Variants in ANKRD44 observed in about 807,000 individuals in gnomAD.
ANKRD44 encodes the protein ankyrin repeat domain 44.
Under a neutral mutation model 116.0 loss-of-function variants are expected in ANKRD44, and 35 were observed. The observed-to-expected ratio is 0.30, with a 90% confidence interval of 0.23 to 0.40. The LOEUF (loss-of-function observed/expected upper bound fraction) is 0.40. Ranked by LOEUF, ANKRD44 falls within the 10% of genes least tolerant of loss-of-function variation. The pLI, the probability that ANKRD44 is intolerant of heterozygous loss-of-function variation, is 1.00. For synonymous variants in ANKRD44, 435 were observed against 461.8 expected, an observed-to-expected ratio of 0.94 and a Z score of 0.74; for missense variants, 1,014 against 1,242.6, an observed-to-expected ratio of 0.82 and a Z score of 2.77.
intron 1 of ANKRD44, among the ~76,000 whole-genome samples, chr2:197,290,623 C>T (rs1175206276): frequency 6.6e-6 from 1 of 152,038 alleles, no homozygotes; most frequent in Non-Finnish European, 1.5e-5. Flanking sequence ...AAATTCATTC[C>T]AAATAAGCAT....
chr2:197,280,531 A>G lies in ANKRD44; in HGVS notation c.27+30047T>C, dbSNP rs1005006710. On this transcript the variant is annotated intron_variant, in intron 1 of 27. Transcript: ENST00000282272. ...TTAACAGAGAAACACAGAGATCCCA[A>G]GCTGACTCCGTGGTCTAAGATCTGT... Among the ~76,000 whole-genome samples the G allele has an allele frequency of 2.0e-5, 3 of 152,218 alleles. No individual in the cohort carries two copies. In the South Asian group the frequency reaches 6.2e-4, roughly 31 times the overall value.
At chr2:197,099,748 C>G in intron 10 of ANKRD44, 68 bp downstream of exon 10, 1 of 1,593,048 alleles carries the variant, frequency 6.3e-7, no homozygotes, top group Non-Finnish European at 8.6e-7. Context: ...ATCTACTGCA[C>G]GGAAGAATCT....
rs113868254 is a variant in ANKRD44 at position 196,974,088 on chromosome 2, CT to C, written c.2369-6643del. ...AAATTAAACAACATACTCTCATACT[CT>C]TTTTTTTTTTTGAGACAGCCTCTTG... On this transcript the variant is annotated intron_variant, in intron 21 of 21. Transcript: ENST00000424317. Among the ~76,000 whole-genome samples, 118 of 146,372 alleles carry C rather than the reference CT, an allele frequency of 8.1e-4. 1 individual carries two copies. The highest frequency in any genetic ancestry group is 8.6e-4 in the South Asian group (4 of 4,650).
intron 9 of ANKRD44, among the ~76,000 whole-genome samples, chr2:197,101,509 G>A (rs890776371): frequency 6.6e-6 from 1 of 152,146 alleles, no homozygotes; most frequent in African/African-American, 2.4e-5. Context: ...GGATGGCAGT[G>A]ATGGTTGTAC....
At chr2:197,284,935 G>A (rs955745899) in intron 1 of ANKRD44, among the ~76,000 whole-genome samples, 14 of 151,096 alleles carry the variant, frequency 9.3e-5, no homozygotes, top group Non-Finnish European at 1.8e-4. Flanking sequence ...GTTAAGATAC[G>A]AAGAGCTTCA....
At chr2:197,008,293 T>C (rs2076236383) in intron 19 of ANKRD44, among the ~76,000 whole-genome samples, 1 of 152,220 alleles carries the variant, frequency 6.6e-6, no homozygotes. Context: ...TACTTTGTAG[T>C]ATTCTATGTT....
chr2:197,265,743 T>C (rs2082725183), intron 1 of ANKRD44, among the ~76,000 whole-genome samples: 1 of 152,186 alleles, frequency 6.6e-6, no homozygotes, highest in Admixed American at 6.5e-5. Context: ...ATGAAAATAC[T>C]GCAAACCAAT....
chr2:197,100,293 G>T (rs2078261438), intron 9 of ANKRD44, among the ~76,000 whole-genome samples: 1 of 152,282 alleles, frequency 6.6e-6, no homozygotes, highest in South Asian at 2.1e-4. Flanking sequence ...AAATTAGCTG[G>T]GTGTGGTGGT....
intron 2 of ANKRD44, among the ~76,000 whole-genome samples, chr2:197,176,124 A>G (rs144499118): frequency 1.2e-3 from 187 of 152,332 alleles, no homozygotes; most frequent in African/African-American, 4.2e-3. Context: ...CCATCTACCA[A>G]GGATGGCAGC....
At chr2:197,182,645 G>T (rs1166139646) in intron 2 of ANKRD44, among the ~76,000 whole-genome samples, 1 of 151,504 alleles carries the variant, frequency 6.6e-6, no homozygotes. Context: ...ATTGGTTCCA[G>T]GACCCCCACA....
chr2:197,215,541 C>A (rs1198868778), intron 1 of ANKRD44, among the ~76,000 whole-genome samples: 2 of 152,110 alleles, frequency 1.3e-5, no homozygotes, highest in Non-Finnish European at 2.9e-5. Flanking sequence ...TAGAGAAAAT[C>A]TCCGCAAATA....
intron 2 of ANKRD44, among the ~76,000 whole-genome samples, chr2:197,184,038 A>G (rs554814464): frequency 6.6e-6 from 1 of 152,314 alleles, no homozygotes; most frequent in African/African-American, 2.4e-5. Context: ...TGTAAGCTCT[A>G]TCATGGAAAG....
chr2:197,230,021 C>G (rs1001859283), intron 1 of ANKRD44, among the ~76,000 whole-genome samples: 13 of 151,888 alleles, frequency 8.6e-5, no homozygotes, highest in African/African-American at 3.1e-4. Context: ...TTAAAATAAA[C>G]AGAACTTGCA....
rs184967781 is a variant in ANKRD44, at chr2:197,241,490, T to C, written c.28-54384A>G. On this transcript the variant is annotated intron_variant, in intron 1 of 27. Coordinates refer to ENST00000282272, the MANE Select transcript of ANKRD44 (RefSeq NM_001195144.2). ...TACTCATGGAAAAATGCTGGACTGG[T>C]AAGAAATATATCAAAATTAAATAGC... 1.9e-3 allele frequency among the ~76,000 whole-genome samples: 295 copies of C among 152,286 alleles called. 1 individual carries two copies. The highest frequency in any genetic ancestry group is 6.3e-3 in the African/African-American group (264 of 41,578).
intron 16 of ANKRD44, among the ~76,000 whole-genome samples, chr2:197,050,386 T>C (rs2125007508): frequency 6.6e-6 from 1 of 152,106 alleles, no homozygotes; most frequent in African/African-American, 2.4e-5. Context: ...ATTCTACTTC[T>C]TCCCTATTTC....
At chr2:197,009,664 T>C (rs1369948935) in intron 18 of ANKRD44, among the ~76,000 whole-genome samples, 2 of 152,184 alleles carry the variant, frequency 1.3e-5, no homozygotes, top group East Asian at 3.9e-4. Context: ...CCACCGTGCC[T>C]GGCCCCAAGT....
At chr2:196,990,155 C>G (rs1294239654) in intron 27 of ANKRD44, 1 of 986,132 alleles carries the variant, frequency 1.0e-6, no homozygotes, top group Admixed American at 6.1e-5. Context: ...AATAGTTGGA[C>G]TCTCTAAAAA....
intron 1 of ANKRD44, among the ~76,000 whole-genome samples, chr2:197,259,437 A>C (rs780807500): frequency 2.6e-5 from 4 of 152,194 alleles, no homozygotes; most frequent in African/African-American, 4.8e-5. Flanking sequence ...TCCAGTTTTG[A>C]GACAGGTCCT....
chr2:197,187,125 G>A lies in ANKRD44; in HGVS notation c.28-19C>T, dbSNP rs1340166746. The A allele has an allele frequency of 4.3e-6, 7 of 1,612,246 alleles. No homozygotes were observed. The highest frequency in any genetic ancestry group is 5.9e-6 in the Non-Finnish European group (7 of 1,178,488). On this transcript the variant is annotated intron_variant, in intron 1 of 27. Coordinates refer to ENST00000282272, the MANE Select transcript of ANKRD44 (RefSeq NM_001195144.2). ...ATGGTGGCTGCAAACACAAGAGAAT[G>A]GGAATCAGAACTAAAATTAATACAT... is the stretch of plus-strand genomic sequence containing the variant.
Sources: allele counts gnomAD v4.1 joint callset (sites outside exome capture counted in the v4.1 genomes callset), GRCh38; gene constraint gnomAD v4.1.1; transcripts MANE v1.5; gene names NCBI Gene and HGNC (gene_info 2026-07-23, HGNC 2026-07-21).